The following PADI4 variants were observed in gnomAD, a reference collection of about 807,000 sequenced individuals.
PADI4 encodes the protein protein-arginine deiminase type-4.
In PADI4, 62 loss-of-function variants were observed where a neutral mutation model predicts 75.0. The ratio of observed to expected loss-of-function variants is 0.83; its 90% CI spans 0.67 to 1.02. PADI4 has a LOEUF of 1.02. Among genes scored for constraint, PADI4 ranks in the 50% least tolerant of loss-of-function variants. The pLI, the probability that PADI4 is intolerant of heterozygous loss-of-function variation, is 0.00. For missense variants in PADI4, 845 were observed against 850.5 expected, an observed-to-expected ratio of 0.99 and a Z score of 0.08; for synonymous variants, 361 against 348.1, an observed-to-expected ratio of 1.04 and a Z score of -0.41.
At chr1:17,340,219 C>T (rs1748022) in intron 6 of PADI4, among the ~76,000 whole-genome samples, 13,873 of 152,182 alleles carry the variant, frequency 0.091, 683 homozygotes, top group African/African-American at 0.1. Context: ...CCAGGTTGAT[C>T]CCAGGCACGG....
intron 1 of PADI4, among the ~76,000 whole-genome samples, chr1:17,322,138 T>C (rs1403491445): frequency 1.3e-5 from 2 of 152,234 alleles, no homozygotes; most frequent in African/African-American, 2.4e-5. Flanking sequence ...CTTTGAGTTC[T>C]GTCCTTTGTC....
At position 17,354,468 on chromosome 1, in the gene PADI4, A is replaced by AC. The variant is rs1398885898; in HGVS notation, c.1156-59dup. On this transcript the variant is annotated intron_variant, in intron 10 of 15. Transcript: ENST00000375448. ...TGCCCAAGTTCATCTCTAAACTTGG[A>AC]CCCCCCGACCCTTCACCAGGGACCT... 4 of 1,454,668 alleles carry AC rather than the reference A, an allele frequency of 2.7e-6. No homozygotes were observed. The Admixed American group carries it at 5.0e-5, about 18-fold the overall frequency. The allele number at this position is 1,454,668 out of a possible 1,614,324, so 90.1% of individuals were successfully genotyped here. A position where few individuals can be genotyped will look rare whatever the true frequency, so the allele number is the denominator to read the frequency against.
At chr1:17,343,782 G>A (rs1239482250) in intron 8 of PADI4, among the ~76,000 whole-genome samples, 1 of 152,146 alleles carries the variant, frequency 6.6e-6, no homozygotes, top group African/African-American at 2.4e-5. Flanking sequence ...AGTGCCTTTT[G>A]CCTCCCACCA....
At chr1:17,349,570 T>A (rs1323933770) in intron 10 of PADI4, among the ~76,000 whole-genome samples, 3 of 151,722 alleles carry the variant, frequency 2.0e-5, no homozygotes, top group Non-Finnish European at 2.9e-5. Flanking sequence ...CTGGGCATGG[T>A]GGTGTGTGCC....
At chr1:17,352,086 G>A (rs1420920991) in intron 10 of PADI4, among the ~76,000 whole-genome samples, 13 of 137,440 alleles carry the variant, frequency 9.5e-5, no homozygotes, top group Non-Finnish European at 1.3e-4. Flanking sequence ...AGGCAGTCAG[G>A]GAGGTGATGG....
intron 1 of PADI4, among the ~76,000 whole-genome samples, chr1:17,313,254 C>A (rs1295882023): frequency 6.6e-5 from 10 of 151,780 alleles, no homozygotes; most frequent in African/African-American, 2.4e-4. Flanking sequence ...AATCCCAACA[C>A]TTTGGGAGGC....
Position 17,356,370 on chromosome 1 carries a change from T to G in PADI4, c.1469T>G (p.Leu490Arg). The G allele has an allele frequency of 6.2e-7, 1 of 1,608,450 alleles. No individual in the cohort carries two copies. Among genetic ancestry groups the G allele is most frequent in the Non-Finnish European group, 8.5e-7 (1 of 1,176,884 alleles). ...TTCTGCCTCCAGGGCTTCCGGCTGC[T>G]CCTGGCCAGCCCCAGGTCCTGCTAC... The part of the protein sequence containing the change: ...PAPDRKGFRL[L>R]LASPRSCYKL... The change falls in exon 13 of 16, where the codon CTC (leucine) becomes CGC (arginine). Residue 490 changes from leucine (L) to arginine (R), a missense_variant. Physicochemically the swap from Leu to Arg is moderately radical, Grantham distance 102 (BLOSUM62 -2). Transcript: ENST00000375448. This position sits in a 1 kb window ranked among gnomAD's most constrained non-coding sequence, Gnocchi z 4.1.
intron 10 of PADI4, among the ~76,000 whole-genome samples, chr1:17,352,209 T>TGGTCAGGGAGGAGATGGGAGGTGGG (rs2074672317): frequency 9.6e-6 from 1 of 103,914 alleles, no homozygotes; most frequent in African/African-American, 3.6e-5. Flanking sequence ...TGGGAGGTGG[T>TGGTCAGGGAGGAGATGGGAGGTGGG]AAGAGGGGTG....
chr1:17,363,134 A>G (rs2074869830), intron 15 of PADI4, among the ~76,000 whole-genome samples: 2 of 151,174 alleles, frequency 1.3e-5, no homozygotes, highest in South Asian at 4.2e-4. Context: ...TTTTTGAGGT[A>G]GAGTCTCGCT....
At chr1:17,348,111 CT>C in intron 10 of PADI4, 63 bp downstream of exon 10, 1 of 1,066,196 alleles carries the variant, frequency 9.4e-7, no homozygotes. Context: ...AGACTCCCTC[CT>C]TTTAGCCTGC....
chr1:17,332,129 T>C (rs185475982), intron 2 of PADI4, among the ~76,000 whole-genome samples: 1 of 152,300 alleles, frequency 6.6e-6, no homozygotes, highest in Non-Finnish European at 1.5e-5. Flanking sequence ...TCTGCTTCCA[T>C]GGTCGCACTG....
Position 17,338,026 on chromosome 1 carries a change from G to T in PADI4, c.409-12G>T. ...TAGTTTCTGAGCATGACTCTTCCCT[G>T]CTGGTGTCCAGAGGACCTGGACCTG... On this transcript the variant is annotated splice_polypyrimidine_tract_variant and intron_variant, in intron 4 of 15. Transcript: ENST00000375448. The T allele has an allele frequency of 1.3e-6, 2 of 1,556,060 alleles. No individual in the cohort carries two copies. Among genetic ancestry groups the T allele is most frequent in the Non-Finnish European group, 1.8e-6 (2 of 1,127,120 alleles).
At chr1:17,329,573 G>A (rs200195257) in intron 1 of PADI4, among the ~76,000 whole-genome samples, 2 of 152,188 alleles carry the variant, frequency 1.3e-5, no homozygotes, top group Non-Finnish European at 2.9e-5. Context: ...CTTCAGCCTC[G>A]TCTTCATGTT....
chr1:17,340,903 A>C (rs36070985), intron 6 of PADI4, among the ~76,000 whole-genome samples: 14,626 of 137,208 alleles, frequency 0.11, 798 homozygotes, highest in African/African-American at 0.14. Flanking sequence ...TGGGTTCCAG[A>C]GATTCTCCTG....
intron 10 of PADI4, among the ~76,000 whole-genome samples, chr1:17,354,260 T>C (rs1036483511): frequency 2.0e-5 from 3 of 151,828 alleles, no homozygotes; most frequent in African/African-American, 4.8e-5. Flanking sequence ...AAAAAAATGA[T>C]GTTTTACAGA....
At chr1:17,311,457 C>A (rs1426741415) in intron 1 of PADI4, among the ~76,000 whole-genome samples, 1 of 151,860 alleles carries the variant, frequency 6.6e-6, no homozygotes, top group Admixed American at 6.6e-5. Context: ...GTGCCAACTG[C>A]AAAGGGCAGT....
intron 11 of PADI4, among the ~76,000 whole-genome samples, chr1:17,355,497 C>T (rs554665002): frequency 2.7e-5 from 4 of 150,628 alleles, no homozygotes; most frequent in African/African-American, 9.8e-5. Context: ...TGTAGTGAGC[C>T]GAGATTGTGC....
chr1:17,348,186 G>A (rs2074554338), intron 10 of PADI4, 138 bp downstream of exon 10: 1 of 545,392 alleles, frequency 1.8e-6, no homozygotes, highest in Admixed American at 3.1e-5. Context: ...TACCAAAGTG[G>A]GAGCATGTAG....
intron 10 of PADI4, among the ~76,000 whole-genome samples, chr1:17,353,359 C>T (rs982021759): frequency 2.0e-5 from 3 of 152,252 alleles, no homozygotes; most frequent in Middle Eastern, 6.8e-3. Context: ...CCCAGCTACT[C>T]GGGCGGCTGA....
Sources: allele counts gnomAD v4.1 joint callset (sites outside exome capture counted in the v4.1 genomes callset), GRCh38; gene constraint gnomAD v4.1.1; non-coding constraint Gnocchi (gnomAD v3.1); transcripts MANE v1.5; gene names NCBI Gene and HGNC (gene_info 2026-07-23, HGNC 2026-07-21).